KMT2B: variants seen among roughly 807,000 people sequenced by gnomAD.
KMT2B encodes the protein lysine methyltransferase 2B, also known as histone-lysine N-methyltransferase 2B.
Under a neutral mutation model 255.3 loss-of-function variants are expected in KMT2B, and 22 were observed. The ratio of observed to expected loss-of-function variants is 0.09; its 90% confidence interval spans 0.06 to 0.12. KMT2B has a LOEUF of 0.12. KMT2B is among the 10% of genes least tolerant of loss of function. The pLI is 1.00. For synonymous variants in KMT2B, 1,730 were observed against 1,498.1 expected, an observed-to-expected ratio of 1.15 and a Z score of -3.57; for missense variants, 3,149 against 3,737.0, an observed-to-expected ratio of 0.84 and a Z score of 4.10.
At position 35,738,699 on chromosome 19, in the gene KMT2B, C is replaced by T; in HGVS notation, c.*142C>T. The stretch of plus-strand genomic sequence containing the variant: ...AGGGTGGATGTGGGCATGCAGGTGA[C>T]AAGGGCCCTGCCTCCACCCCTCCAG... On this transcript the variant is annotated 3_prime_UTR_variant, in exon 37 of 37. Transcript: ENST00000420124. The surrounding 1 kb of genome is among the most constrained non-coding windows in gnomAD (Gnocchi z 8.7). 1 of 938,486 alleles carries T rather than the reference C, an allele frequency of 1.1e-6. No individual in the cohort carries two copies. The highest frequency in any genetic ancestry group is 1.6e-6 in the Non-Finnish European group (1 of 641,704). 58.1% of individuals were successfully genotyped at this position (938,486 alleles called of 1,614,324 possible).
In KMT2B at chr19:35,721,299, A is replaced by C; in HGVS notation, c.1952A>C (p.Gln651Pro). The C allele has an allele frequency of 6.6e-7, 1 of 1,507,880 alleles. No individual in the cohort carries two copies. The highest frequency in any genetic ancestry group is 8.9e-7 in the Non-Finnish European group (1 of 1,127,238). The allele number at this position is 1,507,880 out of a possible 1,614,324, so 93.4% of individuals were successfully genotyped here. A position where few individuals can be genotyped will look rare whatever the true frequency, so the allele number is the denominator to read the frequency against. Reference protein sequence around the residue: ...SRRPLLLRAPQFTPSEAHLKI... With the variant: ...SRRPLLLRAPPFTPSEAHLKI... ...AGGCCCCTACTCCTTCGGGCCCCTC[A>C]GTTTACCCCAAGCGAAGCCCACCTG... The change falls in exon 3 of 37, where the codon CAG (glutamine) becomes CCG (proline). Residue 651 changes from glutamine to proline, a missense_variant. By Grantham distance (76) the Gln-to-Pro change is moderately conservative. Around this residue, in one of 18 missense-constraint regions of KMT2B, gnomAD observed 1,188 missense variants for 1,106.4 expected, o/e 1.07. Transcript: ENST00000420124.
chr19:35,728,012 G>C (rs1055407759), intron 18 of KMT2B, 27 bp downstream of exon 18: 3 of 1,549,134 alleles, frequency 1.9e-6, no homozygotes, highest in Non-Finnish European at 2.6e-6. Context: ...ATGCTTGTGG[G>C]GTGGGGGAGT....
rs1047662710 is a variant in KMT2B at position 35,724,721 on chromosome 19, G to A, written c.3419G>A (p.Arg1140His). The A allele has an allele frequency of 6.3e-6, 10 of 1,589,242 alleles. No homozygotes were observed. Among genetic ancestry groups the A allele is most frequent in the South Asian group, 4.6e-5 (4 of 87,410 alleles). The change falls in exon 9 of 37, where the codon CGC becomes CAC. Residue 1140 changes from arginine to histidine, a missense_variant. Physicochemically the swap from Arg to His is conservative, Grantham distance 29 (BLOSUM62 0). This residue lies in a region of KMT2B where 136 missense variants were observed against 137.3 expected (regional missense o/e 0.99). Transcript: ENST00000420124. ...GTGTTGCAGCTCAAGGCCCGAAGGC[G>A]CCTGGACAAGGTCAGCACGGCCCGC... ...QPVLQLKARR[R>H]LDKDALAPGP... is the part of the protein sequence containing the mutation.
rs1405034547 is a variant in KMT2B, at chr19:35,722,430, G to A, written c.2529G>A (p.Arg843=). The change falls in exon 4 of 37, where the codon CGG becomes CGA. Residue 843 remains arginine, a synonymous_variant. Coordinates refer to ENST00000420124, the MANE Select transcript of KMT2B (RefSeq NM_014727.3). ...VKQISDRGPV[R]SEDESVEAKR... ...AGATCTCCGACAGAGGCCCTGTCCG[G>A]TCTGAAGATGAGTCGGTGGAAGCTA... is the stretch of plus-strand genomic sequence containing the variant. 1.2e-6 allele frequency: 2 copies of A among 1,610,486 alleles called. No individual in the cohort carries two copies. The highest frequency in any genetic ancestry group is 2.2e-5 in the South Asian group (2 of 91,058).
chr19:35,720,883 C>A lies in KMT2B; in HGVS notation c.1536C>A (p.Thr512=). 2 of 1,597,994 alleles carry A rather than the reference C, an allele frequency of 1.3e-6. No individual in the cohort carries two copies. Among genetic ancestry groups the A allele is most frequent in the East Asian group, 2.3e-5 (1 of 43,894 alleles). Residue 512 remains threonine, a synonymous_variant, in exon 3 of 37, where the codon ACC becomes ACA. Transcript: ENST00000420124. ...GAGGCCCTCCGGAAGACAGTCCCAC[C>A]GTGGCCCCCAAAAGCACCACCTTCC... ...ATGGPPEDSP[T]VAPKSTTFLK... is the part of the protein sequence containing the mutation.
rs755155340 is a variant in KMT2B, at chr19:35,733,567, G to A, written c.6960-30G>A. On this transcript the variant is annotated intron_variant, in intron 28 of 36. Transcript: ENST00000420124. The surrounding 1 kb of genome is among the most constrained non-coding windows in gnomAD (Gnocchi z 4.3). ...AAGGGGGCAGATGGGCGGGAGATGC[G>A]GCTCATCCTTCTCGGGCTCGCCCTC... 3.0e-5 allele frequency: 47 copies of A among 1,558,658 alleles called. No homozygotes were observed. The Admixed American group carries it at 4.8e-4, about 16-fold the overall frequency.
chr19:35,719,602 T>G (rs1319129297), intron 2 of KMT2B, 61 bp downstream of exon 2: 11 of 1,538,612 alleles, frequency 7.1e-6, no homozygotes, highest in African/African-American at 1.4e-5. Flanking sequence ...GCCCTTCGTG[T>G]CAGCTCTTCC....
chr19:35,725,361 C>G lies in KMT2B; in HGVS notation c.3642+28C>G. On this transcript the variant is annotated intron_variant, in intron 11 of 36. Transcript: ENST00000420124. The surrounding 1 kb of genome is among the most constrained non-coding windows in gnomAD (Gnocchi z 4.1). ...TAGATCTCTGCCTTTCTTCACAGAC[C>G]CCCAGCTCTCTGTCGGTCCTCACGG... 1.3e-6 allele frequency: 2 copies of G among 1,558,460 alleles called. No homozygotes were observed. Among genetic ancestry groups the G allele is most frequent in the Non-Finnish European group, 1.7e-6 (2 of 1,151,086 alleles).
Position 35,724,686 on chromosome 19 carries a change from C to T in KMT2B, c.3384C>T (p.Thr1128=), listed in dbSNP as rs61746999. 2.7e-4 allele frequency: 427 copies of T among 1,602,192 alleles called. 1 individual carries two copies. In the African/African-American group the frequency reaches 4.2e-3, roughly 16 times the overall value. The change falls in exon 9 of 37, where the codon ACC becomes ACT. Residue 1128 remains threonine (T), a synonymous_variant. Coordinates refer to ENST00000420124, the MANE Select transcript of KMT2B (RefSeq NM_014727.3). ...AGCAGAGCCGGCCCCGCAAACCTAC[C>T]CTGCAGCCTGTGTTGCAGCTCAAGG... ...PEEQSRPRKP[T]LQPVLQLKAR...
intron 22 of KMT2B, 125 bp from the exon 23 acceptor site, chr19:35,729,842 G>A: frequency 1.1e-6 from 1 of 918,540 alleles, no homozygotes; most frequent in Non-Finnish European, 1.6e-6. Flanking sequence ...CTGGGGAGAG[G>A]CTGCGCCTAG....
intron 30 of KMT2B, among the ~76,000 whole-genome samples, chr19:35,734,774 A>C (rs1759086508): frequency 6.6e-6 from 1 of 152,018 alleles, no homozygotes; most frequent in South Asian, 2.1e-4. Context: ...GCGGCCAGGT[A>C]AGCTGGTGGT....
At chr19:35,719,427 C>T (rs894244675) in intron 1 of KMT2B, 42 bp from the exon 2 acceptor site, 2 of 1,433,048 alleles carry the variant, frequency 1.4e-6, no homozygotes, top group African/African-American at 1.4e-5. Flanking sequence ...GGCTTTGGCA[C>T]TGACTGCTGT....
At chr19:35,729,362 A>G (rs1969599935) in intron 22 of KMT2B, 66 bp downstream of exon 22, 8 of 1,528,022 alleles carry the variant, frequency 5.2e-6, no homozygotes, top group Middle Eastern at 1.7e-4. Flanking sequence ...TCCGGTGCAA[A>G]CAGCTCTTAC....
At position 35,721,615 on chromosome 19, in the gene KMT2B, A is replaced by ACAGCCACAGCTG. The variant is rs767545699; in HGVS notation, c.2276_2287dup (p.Gln759_Pro762dup). The ACAGCCACAGCTG allele has an allele frequency of 2.5e-6, 4 of 1,611,610 alleles. No individual in the cohort carries two copies. The South Asian group carries it at 3.3e-5, about 13-fold the overall frequency. ...TCCTGCCCCAGGCACTACCGCCACC[A>ACAGCCACAGCTG]CAGCCACAGCTGCAGCCACCGCCGT... On this transcript the variant is annotated inframe_insertion, in exon 3 of 37. Transcript: ENST00000420124.
Position 35,720,504 on chromosome 19 carries a change from T to G in KMT2B, c.1157T>G (p.Val386Gly). Residue 386 changes from valine to glycine, a missense_variant, in exon 3 of 37, where the codon GTA (valine) becomes GGA (glycine). Around this residue, in one of 18 missense-constraint regions of KMT2B, gnomAD observed 1,188 missense variants for 1,106.4 expected, o/e 1.07. Coordinates refer to ENST00000420124, the MANE Select transcript of KMT2B (RefSeq NM_014727.3). ...GGAGAAGAGAAGGAAGAAAGAGCTG[T>G]AGCTGAGGAGATGATGCCAGCTGCG... ...KEGEEKEERAVAEEMMPAAEK... is the reference protein window; with the variant it reads ...KEGEEKEERAGAEEMMPAAEK... 6.5e-7 allele frequency: 1 copy of G among 1,550,284 alleles called. No homozygotes were observed. The highest frequency in any genetic ancestry group is 8.7e-7 in the Non-Finnish European group (1 of 1,145,986).
Position 35,720,642 on chromosome 19 carries a change from C to G in KMT2B, c.1295C>G (p.Pro432Arg). The change falls in exon 3 of 37, where the codon CCA becomes CGA. Residue 432 changes from proline (P) to arginine (R), a missense_variant. Transcript: ENST00000420124. The part of the protein sequence containing the change: ...TSPPPPLCPP[P>R]PPPVSPPPLP... Reference sequence around the variant, plus strand: ...CCTCCACCCCCACTCTGCCCTCCACCACCACCCCCAGTGTCCCCACCACCT... The same window carrying G: ...CCTCCACCCCCACTCTGCCCTCCACGACCACCCCCAGTGTCCCCACCACCT... 6.8e-7 allele frequency: 1 copy of G among 1,474,288 alleles called. No individual in the cohort carries two copies. Among genetic ancestry groups the G allele is most frequent in the Non-Finnish European group, 9.0e-7 (1 of 1,111,410 alleles). The allele number at this position is 1,474,288 out of a possible 1,614,324, so 91.3% of individuals were successfully genotyped here. A position where few individuals can be genotyped will look rare whatever the true frequency, so the allele number is the denominator to read the frequency against.
chr19:35,728,717 G>C lies in KMT2B; in HGVS notation c.4572-57G>C, dbSNP rs536707369. 2.2e-6 allele frequency: 3 copies of C among 1,363,144 alleles called. No individual in the cohort carries two copies. The Admixed American group carries it at 5.4e-5, about 24-fold the overall frequency. 84.4% of individuals were successfully genotyped at this position (1,363,144 alleles called of 1,614,324 possible). ...CGAGTTCAGGCTGGTTTGTGGATGG[G>C]CCCCCGTTCAGCTGCCCTTGTTGGG... On this transcript the variant is annotated intron_variant, in intron 19 of 36. Transcript: ENST00000420124.
Position 35,720,569 on chromosome 19 carries a change from C to A in KMT2B, c.1222C>A (p.Pro408Thr). 6.5e-7 allele frequency: 1 copy of A among 1,540,008 alleles called. No individual in the cohort carries two copies. Residue 408 changes from proline to threonine, a missense_variant, in exon 3 of 37, where the codon CCT (proline) becomes ACT (threonine). This residue lies in a region of KMT2B where 1,188 missense variants were observed against 1,106.4 expected (regional missense o/e 1.07). Coordinates refer to ENST00000420124, the MANE Select transcript of KMT2B (RefSeq NM_014727.3). The part of the protein sequence containing the change: ...EAKLPPPPLT[P>T]PAPSPPPPLP... ...AAAGCTGCCACCACCGCCTCTGACT[C>A]CTCCAGCCCCTTCACCTCCTCCACC...
intron 14 of KMT2B, among the ~76,000 whole-genome samples, chr19:35,726,690 G>A (rs1043303668): frequency 6.6e-6 from 1 of 152,092 alleles, no homozygotes; most frequent in Non-Finnish European, 1.5e-5. Flanking sequence ...CTGAAAAGAG[G>A]CCTCATCCTA....
Sources: gnomAD v4.1 joint callset for allele counts (sites outside exome capture counted in the v4.1 genomes callset) on GRCh38, gnomAD v4.1.1 for gene constraint, gnomAD v4.1.1 regional missense constraint, Gnocchi (gnomAD v3.1) non-coding constraint, MANE v1.5 for transcripts, NCBI Gene and HGNC (gene_info 2026-07-23, HGNC 2026-07-21) for gene names.